The following GUCA1B variants were observed in gnomAD, a reference collection of about 807,000 sequenced individuals.
The protein encoded by GUCA1B is guanylyl cyclase-activating protein 2.
In GUCA1B, 22 loss-of-function variants were observed where a neutral mutation model predicts 24.2. The observed-to-expected ratio is 0.91, with a 90% confidence interval of 0.65 to 1.30. The LOEUF (loss-of-function observed/expected upper bound fraction) is 1.30. GUCA1B is among the 50% of genes most tolerant of loss of function. The pLI is 0.00. For missense variants in GUCA1B, 221 were observed against 258.8 expected (o/e 0.85, Z 1.00); for synonymous variants, 100 against 97.9 (o/e 1.02, Z -0.13).
At chr6:42,192,678 C>T (rs1285414071) in intron 1 of GUCA1B, among the ~76,000 whole-genome samples, 6 of 152,028 alleles carry the variant, frequency 3.9e-5, no homozygotes, top group African/African-American at 1.4e-4. Flanking sequence ...TGCCACTGCA[C>T]TCTAGCCTGG....
intron 3 of GUCA1B, 42 bp downstream of exon 3, chr6:42,185,638 A>G: frequency 8.4e-7 from 1 of 1,187,640 alleles, no homozygotes; most frequent in Non-Finnish European, 1.3e-6. Flanking sequence ...AGTGGCGATG[A>G]TGCAGAGTGG....
At chr6:42,188,462 C>A (rs1031074443) in intron 2 of GUCA1B, 120 bp downstream of exon 2, 5 of 810,872 alleles carry the variant, frequency 6.2e-6, no homozygotes, top group Non-Finnish European at 1.0e-5. Context: ...ACACAGGAAA[C>A]ACACTCAGAA....
intron 1 of GUCA1B, among the ~76,000 whole-genome samples, chr6:42,190,175 G>A (rs1413376136): frequency 1.4e-4 from 21 of 152,084 alleles, no homozygotes; most frequent in African/African-American, 2.4e-5. Flanking sequence ...AAAACAAAAC[G>A]AGCTTACCTT....
At chr6:42,184,994 CTG>C (rs1491145819) in intron 3 of GUCA1B, 52 bp from the exon 4 acceptor site, 1 of 1,597,652 alleles carries the variant, frequency 6.3e-7, no homozygotes, top group South Asian at 1.1e-5. Context: ...AGACCTGGGT[CTG>C]GGGGCAGGAG....
chr6:42,186,601 AAAAG>A (rs1554186980), intron 2 of GUCA1B, among the ~76,000 whole-genome samples: 17 of 147,254 alleles, frequency 1.2e-4, no homozygotes, highest in Admixed American at 4.6e-4. Context: ...TCAGAAAAAA[AAAAG>A]AAAGAAAGAA....
Position 42,184,637 on chromosome 6 carries a change from A to G in GUCA1B, c.*178T>C. On this transcript the variant is annotated 3_prime_UTR_variant, in exon 4 of 4. Coordinates refer to ENST00000230361, the MANE Select transcript of GUCA1B (RefSeq NM_002098.6). ...CCCAGGGACTCCTCCAAAATGGACT[A>G]TGCCCTGTTGGCCACTTCAAACCCA... 1 of 713,302 alleles carries G rather than the reference A, an allele frequency of 1.4e-6. No individual in the cohort carries two copies. The highest frequency in any genetic ancestry group is 2.5e-6 in the Non-Finnish European group (1 of 394,488). 44.2% of individuals were successfully genotyped at this position (713,302 alleles called of 1,614,324 possible). A position where few individuals can be genotyped will look rare whatever the true frequency, so the allele number is the denominator to read the frequency against.
chr6:42,186,800 C>T (rs983952269), intron 2 of GUCA1B, among the ~76,000 whole-genome samples: 5 of 152,090 alleles, frequency 3.3e-5, no homozygotes, highest in Non-Finnish European at 7.4e-5. Flanking sequence ...AATCCAGCCC[C>T]AGCACTTCCT....
intron 1 of GUCA1B, among the ~76,000 whole-genome samples, chr6:42,190,254 T>A (rs1768280621): frequency 1.3e-5 from 2 of 152,294 alleles, no homozygotes; most frequent in South Asian, 4.1e-4. Context: ...GTACTCCCCA[T>A]CATATACTTA....
intron 1 of GUCA1B, among the ~76,000 whole-genome samples, chr6:42,192,795 G>A (rs1768333240): frequency 6.6e-6 from 1 of 152,246 alleles, no homozygotes; most frequent in Middle Eastern, 3.4e-3. Context: ...AGAGGTTGAG[G>A]TGGGAGGATC....
At chr6:42,193,523 G>A (rs547837846) in intron 1 of GUCA1B, among the ~76,000 whole-genome samples, 1 of 152,294 alleles carries the variant, frequency 6.6e-6, no homozygotes, top group South Asian at 2.1e-4. Context: ...AATAACAAAA[G>A]TCTGCCCCTC....
Position 42,194,842 on chromosome 6 carries a change from G to A in GUCA1B, c.-22C>T, listed in dbSNP as rs1582336424. On this transcript the variant is annotated 5_prime_UTR_variant, in exon 1 of 4. Coordinates refer to ENST00000230361, the MANE Select transcript of GUCA1B (RefSeq NM_002098.6). ...CCATGCTAGCCCTGAGGAGCATCAG[G>A]GAGCAAGGGTCTGTATCTCCTCCCT... 1.3e-6 allele frequency: 2 copies of A among 1,521,364 alleles called. No homozygotes were observed. The highest frequency in any genetic ancestry group is 2.5e-5 in the East Asian group (1 of 40,788). 94.2% of individuals were successfully genotyped at this position (1,521,364 alleles called of 1,614,324 possible).
chr6:42,193,666 C>A (rs142760449), intron 1 of GUCA1B, among the ~76,000 whole-genome samples: 6 of 152,302 alleles, frequency 3.9e-5, no homozygotes, highest in African/African-American at 1.4e-4. Flanking sequence ...ATTGAAGGTG[C>A]TGACCTCACC....
At chr6:42,190,105 A>G (rs569014137) in intron 1 of GUCA1B, among the ~76,000 whole-genome samples, 1 of 152,358 alleles carries the variant, frequency 6.6e-6, no homozygotes, top group East Asian at 1.9e-4. Context: ...GGTTTGAGCA[A>G]CAGGAGAAAA....
chr6:42,193,077 G>T (rs1768337502), intron 1 of GUCA1B, among the ~76,000 whole-genome samples: 1 of 150,396 alleles, frequency 6.6e-6, no homozygotes, highest in South Asian at 2.1e-4. Context: ...TGAATAACTG[G>T]GGAAATTTGG....
At chr6:42,189,628 C>T (rs1018497502) in intron 1 of GUCA1B, among the ~76,000 whole-genome samples, 2 of 152,192 alleles carry the variant, frequency 1.3e-5, no homozygotes, top group Non-Finnish European at 2.9e-5. Flanking sequence ...GTGCCTCCAG[C>T]CCATCCAGGA....
chr6:42,189,807 C>G (rs888384901), intron 1 of GUCA1B, among the ~76,000 whole-genome samples: 18 of 152,220 alleles, frequency 1.2e-4, no homozygotes, highest in African/African-American at 4.3e-4. Context: ...TATATTCTTG[C>G]TTTCTTCTCC....
At chr6:42,192,330 G>A (rs1468354124) in intron 1 of GUCA1B, among the ~76,000 whole-genome samples, 1 of 121,948 alleles carries the variant, frequency 8.2e-6, no homozygotes, top group African/African-American at 3.2e-5. Flanking sequence ...CTACAGCCAG[G>A]GTGACAGAGC....
In GUCA1B at chr6:42,184,174, G is replaced by C. The variant is rs1284936243; in HGVS notation, c.*641C>G. Among the ~76,000 whole-genome samples the C allele has an allele frequency of 2.0e-5, 3 of 151,148 alleles. No homozygotes were observed. The highest frequency in any genetic ancestry group is 4.4e-5 in the Non-Finnish European group (3 of 67,832). On this transcript the variant is annotated 3_prime_UTR_variant, in exon 4 of 4. Transcript: ENST00000230361. ...CGCAATCTCGGCTCACTGTAGGCTC[G>C]GCCCCCTGGGGTTCACGCCATTCTC...
intron 2 of GUCA1B, among the ~76,000 whole-genome samples, chr6:42,186,609 G>GC (rs1348512211): frequency 2.7e-3 from 403 of 150,078 alleles, no homozygotes; most frequent in African/African-American, 9.7e-3. Context: ...AAAAAAGAAA[G>GC]AAAGAAAGCA....
Sources: allele counts gnomAD v4.1 joint callset (sites outside exome capture counted in the v4.1 genomes callset), GRCh38; gene constraint gnomAD v4.1.1; transcripts MANE v1.5; gene names NCBI Gene and HGNC (gene_info 2026-07-23, HGNC 2026-07-21).